The following NAT8 variants were observed in gnomAD, a reference collection of about 807,000 sequenced individuals.
The protein encoded by NAT8 is N-acetyltransferase 8 (putative).
For synonymous variants in NAT8, 131 were observed against 115.4 expected (o/e 1.14, Z -0.87); for missense variants, 357 against 287.1 (o/e 1.24, Z -1.76).
At chr2:73,641,928 T>G (rs1406113160) in intron 1 of NAT8, among the ~76,000 whole-genome samples, 3 of 152,186 alleles carry the variant, frequency 2.0e-5, no homozygotes, top group Non-Finnish European at 2.9e-5. Flanking sequence ...CCTCCATTTC[T>G]TCAACTATAG....
chr2:73,640,932 A>G lies in NAT8; in HGVS notation c.*13T>C. 2.5e-6 allele frequency: 4 copies of G among 1,597,032 alleles called. No individual in the cohort carries two copies. In the South Asian group the frequency reaches 3.4e-5, roughly 14 times the overall value. On this transcript the variant is annotated 3_prime_UTR_variant, in exon 2 of 2. Transcript: ENST00000272425. ...GAATGGATTCTATTCTGACCAATAC[A>G]CACAGAAAGAGATCACAGACTCCCT... is the stretch of plus-strand genomic sequence containing the variant.
Position 73,641,652 on chromosome 2 carries a change from C to G in NAT8, c.-24G>C. On this transcript the variant is annotated 5_prime_UTR_variant, in exon 2 of 2. Transcript: ENST00000272425. ...ATGGACAGACTTCTGTGTCTGAAAT[C>G]TCTAAGTCCAGGAGACAGAGCTAGG... 6.6e-7 allele frequency: 1 copy of G among 1,524,062 alleles called. No individual in the cohort carries two copies. Among genetic ancestry groups the G allele is most frequent in the South Asian group, 1.3e-5 (1 of 75,882 alleles). The allele number at this position is 1,524,062 out of a possible 1,614,324, so 94.4% of individuals were successfully genotyped here. A position where few individuals can be genotyped will look rare whatever the true frequency, so the allele number is the denominator to read the frequency against.
chr2:73,641,726 G>A, intron 1 of NAT8, 24 bp from the exon 2 acceptor site: 1 of 1,396,854 alleles, frequency 7.2e-7, no homozygotes, highest in South Asian at 1.5e-5. Flanking sequence ...AGAAAATCAT[G>A]TGAGTGCCTG....
rs1205694692 is a variant in NAT8, at chr2:73,641,417, A to C, written c.212T>G (p.Phe71Cys). 4 of 1,614,082 alleles carry C rather than the reference A, an allele frequency of 2.5e-6. No homozygotes were observed. Among genetic ancestry groups the C allele is most frequent in the Non-Finnish European group, 3.4e-6 (4 of 1,180,024 alleles). The change falls in exon 2 of 2, where the codon TTC becomes TGC. Residue 71 changes from phenylalanine (F) to cysteine (C), a missense_variant. Transcript: ENST00000272425. ...TTTGGCAAGGAACCACAGGGCAGGG[A>C]AGAGGCTGATGCTGAACACGAGGGC... ...LLALVFSISL[F>C]PALWFLAKKP...
At position 73,641,259 on chromosome 2, in the gene NAT8, C is replaced by T. The variant is rs778156959; in HGVS notation, c.370G>A (p.Ala124Thr). 10 of 1,614,124 alleles carry T rather than the reference C, an allele frequency of 6.2e-6. 1 individual carries two copies. The South Asian group carries it at 9.9e-5, about 16-fold the overall frequency. Reference sequence around the variant, plus strand: ...AAGGTGGGATCATCAACAGGCAGAGCTCCTACCATGCCCACCACCTTCTCT... The same window carrying T: ...AAGGTGGGATCATCAACAGGCAGAGTTCCTACCATGCCCACCACCTTCTCT... The part of the protein sequence containing the change: ...SEEKVVGMVG[A>T]LPVDDPTLRE... The change falls in exon 2 of 2, where the codon GCT becomes ACT. Residue 124 changes from alanine to threonine, a missense_variant. Ala to Thr is a moderately conservative substitution (Grantham distance 58). Coordinates refer to ENST00000272425, the MANE Select transcript of NAT8 (RefSeq NM_003960.4).
rs755950558 is a variant in NAT8 at position 73,641,619 on chromosome 2, A to G, written c.10T>C (p.Cys4Arg). The change falls in exon 2 of 2, where the codon TGT becomes CGT. Residue 4 changes from cysteine (C) to arginine (R), a missense_variant. By Grantham distance (180) the Cys-to-Arg change is radical. Transcript: ENST00000272425. Reference protein sequence around the residue: MAPCHIRKYQESDR... With the variant: MAPRHIRKYQESDR... Reference sequence around the variant, plus strand: ...CTCTCCTGGTATTTGCGGATGTGACAAGGAGCCATGGACAGACTTCTGTGT... The same window carrying G: ...CTCTCCTGGTATTTGCGGATGTGACGAGGAGCCATGGACAGACTTCTGTGT... 2 of 1,550,422 alleles carry G rather than the reference A, an allele frequency of 1.3e-6. No individual in the cohort carries two copies. Among genetic ancestry groups the G allele is most frequent in the African/African-American group, 1.4e-5 (1 of 73,026 alleles).
chr2:73,640,855 G>A lies in NAT8; in HGVS notation c.*90C>T. 7.5e-7 allele frequency: 1 copy of A among 1,333,696 alleles called. No homozygotes were observed. The highest frequency in any genetic ancestry group is 1.0e-6 in the Non-Finnish European group (1 of 988,420). The allele number at this position is 1,333,696 out of a possible 1,614,324, so 82.6% of individuals were successfully genotyped here. On this transcript the variant is annotated 3_prime_UTR_variant, in exon 2 of 2. Coordinates refer to ENST00000272425, the MANE Select transcript of NAT8 (RefSeq NM_003960.4). ...TGTGAATGGACAATAAGCTTTTATT[G>A]CATTGAAAGGTCATTGCAGTGAAAG...
intron 1 of NAT8, among the ~76,000 whole-genome samples, chr2:73,642,111 C>T (rs547961199): frequency 6.6e-6 from 1 of 152,148 alleles, no homozygotes; most frequent in Non-Finnish European, 1.5e-5. Context: ...GCAGGCCACA[C>T]GTGCAACCCT....
In NAT8 at chr2:73,640,875, T is replaced by G. The variant is rs564493980; in HGVS notation, c.*70A>C. On this transcript the variant is annotated 3_prime_UTR_variant, in exon 2 of 2. Transcript: ENST00000272425. Reference sequence around the variant, plus strand: ...TTATTGCATTGAAAGGTCATTGCAGTGAAAGGTTGGGGATTGCTTGCTGCT... The same window carrying G: ...TTATTGCATTGAAAGGTCATTGCAGGGAAAGGTTGGGGATTGCTTGCTGCT... 23 of 1,455,842 alleles carry G rather than the reference T, an allele frequency of 1.6e-5. No homozygotes were observed. In the South Asian group the frequency reaches 3.2e-4, roughly 20 times the overall value. 90.2% of individuals were successfully genotyped at this position (1,455,842 alleles called of 1,614,324 possible). A position where few individuals can be genotyped will look rare whatever the true frequency, so the allele number is the denominator to read the frequency against.
chr2:73,640,927 A>G lies in NAT8; in HGVS notation c.*18T>C. Reference sequence around the variant, plus strand: ...CAGCTGAATGGATTCTATTCTGACCAATACACACAGAAAGAGATCACAGAC... The same window carrying G: ...CAGCTGAATGGATTCTATTCTGACCGATACACACAGAAAGAGATCACAGAC... On this transcript the variant is annotated 3_prime_UTR_variant, in exon 2 of 2. Transcript: ENST00000272425. 2 of 1,594,270 alleles carry G rather than the reference A, an allele frequency of 1.3e-6. No homozygotes were observed. Among genetic ancestry groups the G allele is most frequent in the Non-Finnish European group, 1.7e-6 (2 of 1,170,786 alleles).
chr2:73,641,549 T>C lies in NAT8; in HGVS notation c.80A>G (p.Glu27Gly), dbSNP rs781145195. The change falls in exon 2 of 2, where the codon GAG (glutamate) becomes GGG (glycine). Residue 27 changes from glutamate (E) to glycine (G), a missense_variant. Physicochemically the swap from Glu to Gly is moderately conservative, Grantham distance 98. Transcript: ENST00000272425. Reference protein sequence around the residue: ...VVGLLSRGMAEHAPATFRQLL... With the variant: ...VVGLLSRGMAGHAPATFRQLL... ...TTGCCGGAAGGTGGCTGGGGCATGCTCGGCCATCCCCCGGGAGAGCAAGCC... is the reference window on the plus strand; with the variant it reads ...TTGCCGGAAGGTGGCTGGGGCATGCCCGGCCATCCCCCGGGAGAGCAAGCC... The C allele has an allele frequency of 5.6e-6, 9 of 1,609,940 alleles. No individual in the cohort carries two copies. The Admixed American group carries it at 1.5e-4, about 27-fold the overall frequency.
At position 73,641,492 on chromosome 2, in the gene NAT8, A is replaced by G. The variant is rs781092134; in HGVS notation, c.137T>C (p.Leu46Ser). 6.2e-7 allele frequency: 1 copy of G among 1,613,938 alleles called. No homozygotes were observed. The highest frequency in any genetic ancestry group is 8.5e-7 in the Non-Finnish European group (1 of 1,179,964). ...GAGTAGGGCGAGGGGCCCCCCAAGTAAGAGTATGAGGGTTCGAGGCAGCTT... is the reference window on the plus strand; with the variant it reads ...GAGTAGGGCGAGGGGCCCCCCAAGTGAGAGTATGAGGGTTCGAGGCAGCTT... Reference protein sequence around the residue: ...LLKLPRTLILLLGGPLALLLV... With the variant: ...LLKLPRTLILSLGGPLALLLV... The change falls in exon 2 of 2, where the codon TTA becomes TCA. Residue 46 changes from leucine (L) to serine (S), a missense_variant. Leu to Ser is a moderately radical substitution (Grantham distance 145, BLOSUM62 -2). Coordinates refer to ENST00000272425, the MANE Select transcript of NAT8 (RefSeq NM_003960.4).
In NAT8 at chr2:73,640,944, A is replaced by AT. The variant is rs1558725923; in HGVS notation, c.684dup. 1 of 1,605,418 alleles carries AT rather than the reference A, an allele frequency of 6.2e-7. No individual in the cohort carries two copies. The highest frequency in any genetic ancestry group is 1.1e-5 in the South Asian group (1 of 89,470). On this transcript the variant is annotated 3_prime_UTR_variant, in exon 2 of 2. Coordinates refer to ENST00000272425, the MANE Select transcript of NAT8 (RefSeq NM_003960.4). ...TTCTGACCAATACACACAGAAAGAG[A>AT]TCACAGACTCCCTACCTTAGAAGAA... is the stretch of plus-strand genomic sequence containing the variant.
rs1403492270 is a variant in NAT8 at position 73,641,541 on chromosome 2, G to A, written c.88C>T (p.Pro30Ser). 1.9e-6 allele frequency: 3 copies of A among 1,611,342 alleles called. No individual in the cohort carries two copies. In the African/African-American group the frequency reaches 4.0e-5, roughly 22 times the overall value. The change falls in exon 2 of 2, where the codon CCA becomes TCA. Residue 30 changes from proline (P) to serine (S), a missense_variant. Physicochemically the swap from Pro to Ser is moderately conservative, Grantham distance 74. Coordinates refer to ENST00000272425, the MANE Select transcript of NAT8 (RefSeq NM_003960.4). ...TTCAGCAATTGCCGGAAGGTGGCTG[G>A]GGCATGCTCGGCCATCCCCCGGGAG... is the stretch of plus-strand genomic sequence containing the variant. ...LLSRGMAEHA[P>S]ATFRQLLKLP...
At position 73,641,559 on chromosome 2, in the gene NAT8, C is replaced by G; in HGVS notation, c.70G>C (p.Gly24Arg). The G allele has an allele frequency of 6.2e-7, 1 of 1,602,994 alleles. No homozygotes were observed. Among genetic ancestry groups the G allele is most frequent in the South Asian group, 1.1e-5 (1 of 88,836 alleles). ...GTGGCTGGGGCATGCTCGGCCATCC[C>G]CCGGGAGAGCAAGCCCACAACCCAC... is the stretch of plus-strand genomic sequence containing the variant. ...RQWVVGLLSR[G>R]MAEHAPATFR... Residue 24 changes from glycine to arginine, a missense_variant, in exon 2 of 2, where the codon GGG becomes CGG. Gly to Arg is a moderately radical substitution (Grantham distance 125, BLOSUM62 -2). Coordinates refer to ENST00000272425, the MANE Select transcript of NAT8 (RefSeq NM_003960.4).
In NAT8 at chr2:73,641,049, T is replaced by C; in HGVS notation, c.580A>G (p.Lys194Glu). 1 of 1,614,092 alleles carries C rather than the reference T, an allele frequency of 6.2e-7. No individual in the cohort carries two copies. The highest frequency in any genetic ancestry group is 8.5e-7 in the Non-Finnish European group (1 of 1,180,018). The change falls in exon 2 of 2, where the codon AAG becomes GAG. Residue 194 changes from lysine (K) to glutamate (E), a missense_variant. By Grantham distance (56) the Lys-to-Glu change is moderately conservative. Coordinates refer to ENST00000272425, the MANE Select transcript of NAT8 (RefSeq NM_003960.4). ...CAGAAGAAGGACTGGCCCGTCTTCT[T>C]GAAGCCCATGCTCTGGTAGAGGGCC... is the stretch of plus-strand genomic sequence containing the variant. ...AMALYQSMGF[K>E]KTGQSFFCVW...
At position 73,641,173 on chromosome 2, in the gene NAT8, C is replaced by A. The variant is rs749800160; in HGVS notation, c.456G>T (p.Gly152=). 2 of 1,614,078 alleles carry A rather than the reference C, an allele frequency of 1.2e-6. No individual in the cohort carries two copies. The highest frequency in any genetic ancestry group is 1.3e-5 in the African/African-American group (1 of 75,030). Residue 152 remains glycine, a synonymous_variant, in exon 2 of 2, where the codon GGG becomes GGT. Transcript: ENST00000272425. ...CAGTCCTGACCAGGGCTTTTGCTAT[C>A]CCCTGACGACGGTGCTCACTGTCCA... ...LFVDSEHRRQ[G]IAKALVRTVL... is the part of the protein sequence containing the mutation.
At chr2:73,641,889 C>T (rs1324929243) in intron 1 of NAT8, among the ~76,000 whole-genome samples, 187 bp from the exon 2 acceptor site, 1 of 152,126 alleles carries the variant, frequency 6.6e-6, no homozygotes, top group African/African-American at 2.4e-5. Flanking sequence ...AGCTGTGTGA[C>T]CTTAGGCATG....
Position 73,641,383 on chromosome 2 carries a change from C to G in NAT8, c.246G>C (p.Trp82Cys). 6.2e-7 allele frequency: 1 copy of G among 1,614,094 alleles called. No homozygotes were observed. The highest frequency in any genetic ancestry group is 1.1e-5 in the South Asian group (1 of 91,082). The change falls in exon 2 of 2, where the codon TGG (tryptophan) becomes TGC (cysteine). Residue 82 changes from tryptophan (W) to cysteine (C), a missense_variant. By Grantham distance (215) the Trp-to-Cys change is radical. Coordinates refer to ENST00000272425, the MANE Select transcript of NAT8 (RefSeq NM_003960.4). ...ACAATGTCATGTCCACATACTCCGT[C>G]CAGGGTTTTTTGGCAAGGAACCACA... The part of the protein sequence containing the change: ...PALWFLAKKP[W>C]TEYVDMTLCT...
Sources: gnomAD v4.1 joint callset for allele counts (sites outside exome capture counted in the v4.1 genomes callset) on GRCh38, gnomAD v4.1.1 for gene constraint, MANE v1.5 for transcripts, NCBI Gene and HGNC (gene_info 2026-07-23, HGNC 2026-07-21) for gene names.